The following TCF4 variants were observed in gnomAD, a reference collection of about 807,000 sequenced individuals.
TCF4 encodes SL3-3 enhancer factor 2.
In TCF4, 3 loss-of-function variants were observed where a neutral mutation model predicts 82.1. That is an observed-to-expected ratio of 0.04 (90% CI 0.02 to 0.09). The LOEUF is 0.09. Ranked by LOEUF, TCF4 falls within the 10% of genes least tolerant of loss-of-function variation. TCF4 has a pLI of 1.00. For synonymous variants in TCF4, 276 were observed against 309.6 expected, an observed-to-expected ratio of 0.89 and a Z score of 1.14; for missense variants, 518 against 852.7, an observed-to-expected ratio of 0.61 and a Z score of 4.89.
chr18:55,571,862 A>G (rs1463108208), intron 3 of TCF4, among the ~76,000 whole-genome samples: 1 of 134,684 alleles, frequency 7.4e-6, no homozygotes, highest in African/African-American at 2.9e-5. Flanking sequence ...ATATTCTATC[A>G]TATTTTCTTT....
intron 3 of TCF4, among the ~76,000 whole-genome samples, chr18:55,520,795 A>G (rs1295036051): frequency 1.3e-5 from 2 of 152,170 alleles, no homozygotes; most frequent in Admixed American, 1.3e-4. Context: ...TCATAACAGA[A>G]TTGTCTGACA....
intron 2 of TCF4, among the ~76,000 whole-genome samples, chr18:55,608,405 T>A (rs961830536): frequency 6.6e-6 from 1 of 151,170 alleles, no homozygotes; most frequent in African/African-American, 2.4e-5. Context: ...TATGGGGCTT[T>A]AGTTGTCACA....
At chr18:55,442,485 G>T (rs1179712234) in intron 5 of TCF4, among the ~76,000 whole-genome samples, 1 of 152,132 alleles carries the variant, frequency 6.6e-6, no homozygotes, top group Non-Finnish European at 1.5e-5. Flanking sequence ...TTCAAAAAGG[G>T]TGACAGAGAA....
intron 3 of TCF4, among the ~76,000 whole-genome samples, chr18:55,548,253 A>G (rs2097223481): frequency 6.6e-6 from 1 of 152,232 alleles, no homozygotes; most frequent in South Asian, 2.1e-4. Flanking sequence ...ATCACACTCC[A>G]TCTAGGTGGT....
chr18:55,589,454 A>G (rs1293377994), upstream of TCF4: 1 of 1,056,532 alleles, frequency 9.5e-7, no homozygotes, highest in Non-Finnish European at 1.1e-6. Flanking sequence ...ACAGATTACA[A>G]GATTATGCAC....
intron 8 of TCF4, chr18:55,302,267 T>C: frequency 5.6e-6 from 4 of 712,198 alleles, no homozygotes; most frequent in Non-Finnish European, 9.2e-6. Context: ...CAGAGCGAAT[T>C]AAAATGAAAG....
At chr18:55,385,939 G>A (rs2092564416) in intron 6 of TCF4, among the ~76,000 whole-genome samples, 1 of 152,212 alleles carries the variant, frequency 6.6e-6, no homozygotes, top group Admixed American at 6.5e-5. Context: ...ACTGCCATCA[G>A]CTCATTCCTG....
rs187716219 is a variant in TCF4 at position 55,330,043 on chromosome 18, A to G, written c.549+20316T>C. On this transcript the variant is annotated intron_variant, in intron 8 of 19. Coordinates refer to ENST00000354452, the MANE Select transcript of TCF4 (RefSeq NM_001083962.2). ...CTTTATGGGGTCTGGACCTGTATCT[A>G]CTTAGTACCATCATATAGTAACTGT... Among the ~76,000 whole-genome samples, 6 of 152,294 alleles carry G rather than the reference A, an allele frequency of 3.9e-5. No homozygotes were observed. In the East Asian group the frequency reaches 1.2e-3, roughly 29 times the overall value.
chr18:55,225,961 C>T lies in TCF4; in HGVS notation c.*2074G>A, dbSNP rs1039000413. ...TTGTTCTTACATTTTCAGAAATGAA[C>T]ATAAAATTCTGATTCTTGTAGCTAT... On this transcript the variant is annotated 3_prime_UTR_variant, in exon 20 of 20. Coordinates refer to ENST00000354452, the MANE Select transcript of TCF4 (RefSeq NM_001083962.2). The T allele has an allele frequency of 6.6e-6, 1 of 152,348 alleles. No homozygotes were observed. Among genetic ancestry groups the T allele is most frequent in the African/African-American group, 2.4e-5 (1 of 41,356 alleles). The allele number at this position is 152,348 out of a possible 1,614,324, so 9.4% of individuals were successfully genotyped here.
At chr18:55,334,299 C>T (rs1204240774) in intron 8 of TCF4, among the ~76,000 whole-genome samples, 2 of 152,028 alleles carry the variant, frequency 1.3e-5, no homozygotes, top group Non-Finnish European at 2.9e-5. Context: ...TAAAATACCC[C>T]GAAATAACTT....
chr18:55,490,732 G>A lies in TCF4; in HGVS notation c.146-26595C>T, dbSNP rs566345723. ...CCATTTCCTCCACTTTCTCCATAAG[G>A]CCAGAGAAAGGAATACGGAGATGAC... On this transcript the variant is annotated intron_variant, in intron 3 of 19. Transcript: ENST00000354452. Among the ~76,000 whole-genome samples, 25 of 152,196 alleles carry A rather than the reference G, an allele frequency of 1.6e-4. No individual in the cohort carries two copies. In the South Asian group the frequency reaches 5.0e-3, roughly 30 times the overall value.
At chr18:55,310,349 T>C (rs2071927689) in intron 8 of TCF4, among the ~76,000 whole-genome samples, 1 of 152,202 alleles carries the variant, frequency 6.6e-6, no homozygotes, top group South Asian at 2.1e-4. Context: ...CCTCCATATC[T>C]ACTCTCATTA....
chr18:55,587,015 C>G (rs1179285564), intron 2 of TCF4, 30 bp downstream of exon 2: 1 of 1,596,638 alleles, frequency 6.3e-7, no homozygotes, highest in Non-Finnish European at 8.6e-7. Context: ...TTTTTCACAG[C>G]TGTTGTTAGT....
rs1473775119 is a variant in TCF4 at position 55,377,993 on chromosome 18, CTG to C, written c.369+25459_369+25460del. Among the ~76,000 whole-genome samples, 3 of 152,118 alleles carry C rather than the reference CTG, an allele frequency of 2.0e-5. No homozygotes were observed. The South Asian group carries it at 6.2e-4, about 32-fold the overall frequency. The stretch of plus-strand genomic sequence containing the variant: ...ATTTTGTAACTTTTTATTAATGTTA[CTG>C]TGTTATTTCCTTTTAATAAGTTAAA... On this transcript the variant is annotated intron_variant, in intron 6 of 19. Coordinates refer to ENST00000354452, the MANE Select transcript of TCF4 (RefSeq NM_001083962.2).
intron 3 of TCF4, among the ~76,000 whole-genome samples, chr18:55,518,398 G>A (rs1413570902): frequency 6.6e-6 from 1 of 152,106 alleles, no homozygotes; most frequent in Non-Finnish European, 1.5e-5. Flanking sequence ...AAAAACGTGT[G>A]CAAAGATACA....
At chr18:55,305,972 C>T (rs1474418012) in intron 8 of TCF4, among the ~76,000 whole-genome samples, 1 of 152,162 alleles carries the variant, frequency 6.6e-6, no homozygotes, top group East Asian at 1.9e-4. Flanking sequence ...AGCAACTGGG[C>T]ACACCTTCAT....
At chr18:55,242,388 T>C (rs986400714) in intron 15 of TCF4, among the ~76,000 whole-genome samples, 2 of 152,208 alleles carry the variant, frequency 1.3e-5, no homozygotes, top group East Asian at 3.9e-4. Context: ...TAGTACAATG[T>C]GCAGTTAGAT....
intron 8 of TCF4, among the ~76,000 whole-genome samples, chr18:55,343,017 G>A (rs1014395495): frequency 6.6e-6 from 1 of 152,108 alleles, no homozygotes; most frequent in Non-Finnish European, 1.5e-5. Flanking sequence ...GGAGGCTCCT[G>A]TAGACACTTA....
chr18:55,302,541 C>A, intron 8 of TCF4: 2 of 1,535,806 alleles, frequency 1.3e-6, no homozygotes, highest in South Asian at 1.2e-5. Context: ...GAACTTCAAT[C>A]TGACACACAA....
Sources: gnomAD v4.1 joint callset for allele counts (sites outside exome capture counted in the v4.1 genomes callset) on GRCh38, gnomAD v4.1.1 for gene constraint, MANE v1.5 for transcripts, NCBI Gene and HGNC (gene_info 2026-07-23, HGNC 2026-07-21) for gene names.